LINGO1: variants seen among roughly 807,000 people sequenced by gnomAD.
The protein encoded by LINGO1 is leucine rich repeat and Ig domain containing 1.
Under a neutral mutation model 37.3 loss-of-function variants are expected in LINGO1, and 11 were observed. That is an observed-to-expected ratio of 0.29 (90% CI 0.19 to 0.49). The LOEUF (loss-of-function observed/expected upper bound fraction) is 0.49. Ranked by LOEUF, LINGO1 falls within the 20% of genes least tolerant of loss-of-function variation. The pLI is 0.99. For synonymous variants in LINGO1, 387 were observed against 403.0 expected, an observed-to-expected ratio of 0.96 and a Z score of 0.48; for missense variants, 585 against 878.2, an observed-to-expected ratio of 0.67 and a Z score of 4.22.
At chr15:77,700,359 G>C (rs1256032834), upstream of LINGO1, among the ~76,000 whole-genome samples, 1 of 152,212 alleles carries the variant, frequency 6.6e-6, no homozygotes, top group African/African-American at 2.4e-5. Flanking sequence ...TCACAGAGGT[G>C]GCAGCTTTTC....
chr15:77,748,924 T>TG (rs1198650876), intron 1 of LINGO1, among the ~76,000 whole-genome samples: 1 of 127,712 alleles, frequency 7.8e-6, no homozygotes, highest in Non-Finnish European at 1.7e-5. Flanking sequence ...TTTTTTTTTT[T>TG]TTTTTTGGAG....
chr15:77,720,139 C>G (rs1174214245), intron 2 of LINGO1, among the ~76,000 whole-genome samples: 1 of 138,712 alleles, frequency 7.2e-6, no homozygotes, highest in African/African-American at 2.5e-5. Flanking sequence ...CTACCACCAG[C>G]CCCACCCCAC....
At chr15:77,617,216 G>C (rs2073758186) in intron 1 of LINGO1, among the ~76,000 whole-genome samples, 2 of 152,020 alleles carry the variant, frequency 1.3e-5, no homozygotes, top group South Asian at 4.2e-4. Flanking sequence ...CCCACCCCCT[G>C]TTCAGAGACC....
chr15:77,640,608 C>G (rs2074482112), intron 3 of LINGO1, among the ~76,000 whole-genome samples: 1 of 152,172 alleles, frequency 6.6e-6, no homozygotes, highest in African/African-American at 2.4e-5. Context: ...GATGTACCCT[C>G]CCTCCATTCT....
chr15:77,819,819 TG>T lies in LINGO1; in HGVS notation c.-458+438del, dbSNP rs1447314393. Among the ~76,000 whole-genome samples, 4 of 151,078 alleles carry T rather than the reference TG, an allele frequency of 2.6e-5. No homozygotes were observed. The East Asian group carries it at 7.9e-4, about 30-fold the overall frequency. On this transcript the variant is annotated intron_variant, in intron 1 of 5. Transcript: ENST00000562933. ...CTCCCAGCCCGAACCTGGGCCCAGG[TG>T]CCGACTCGGGCTTCTCGCACTCCCG...
intron 2 of LINGO1, among the ~76,000 whole-genome samples, chr15:77,705,070 G>A (rs963321705): frequency 1.3e-5 from 2 of 151,826 alleles, no homozygotes; most frequent in Admixed American, 6.6e-5. Flanking sequence ...GCAGGGGCAC[G>A]GGGAACCTGT....
At position 77,687,977 on chromosome 15, in the gene LINGO1, C is replaced by A. The variant is rs374273449; in HGVS notation, c.-99+2743G>T. Among the ~76,000 whole-genome samples the A allele has an allele frequency of 3.3e-5, 5 of 152,224 alleles. No individual in the cohort carries two copies. In the East Asian group the frequency reaches 9.7e-4, roughly 29 times the overall value. ...ATCCTTGCGGACAGGCTCAACCCAGCGGCTCCTTGCTTTTAAGCCACCTTG... is the reference window on the plus strand; with the variant it reads ...ATCCTTGCGGACAGGCTCAACCCAGAGGCTCCTTGCTTTTAAGCCACCTTG... On this transcript the variant is annotated intron_variant, in intron 2 of 3. Coordinates refer to the LINGO1 transcript ENST00000559893.
At chr15:77,726,603 G>A (rs2076104819) in intron 2 of LINGO1, among the ~76,000 whole-genome samples, 1 of 152,198 alleles carries the variant, frequency 6.6e-6, no homozygotes, top group African/African-American at 2.4e-5. Flanking sequence ...CTTCAAATGG[G>A]TGAAAGACCT....
intron 3 of LINGO1, among the ~76,000 whole-genome samples, chr15:77,669,832 G>A (rs1026978631): frequency 2.0e-5 from 3 of 152,174 alleles, no homozygotes; most frequent in African/African-American, 7.2e-5. Flanking sequence ...AAACCACATC[G>A]CCTTACGGCC....
chr15:77,804,982 C>T (rs2076948479), intron 1 of LINGO1, among the ~76,000 whole-genome samples: 1 of 152,214 alleles, frequency 6.6e-6, no homozygotes, highest in South Asian at 2.1e-4. Context: ...AGTGCCCACC[C>T]CCCCAACTGC....
At chr15:77,795,317 G>C (rs2076864053) in intron 2 of LINGO1, among the ~76,000 whole-genome samples, 1 of 152,138 alleles carries the variant, frequency 6.6e-6, no homozygotes. Context: ...ACCATGAAGT[G>C]AGAGGACCTG....
chr15:77,680,312 T>C, intron 2 of LINGO1, among the ~76,000 whole-genome samples: 1 of 152,144 alleles, frequency 6.6e-6, no homozygotes, highest in Admixed American at 6.5e-5. Flanking sequence ...CTTTGTCACA[T>C]GAAATCACTG....
rs4886523 is a variant in LINGO1, at chr15:77,759,312, G to A, written c.-256-24259C>T. Among the ~76,000 whole-genome samples, 602 of 152,298 alleles carry A rather than the reference G, an allele frequency of 4.0e-3. 10 individuals carry two copies. Among genetic ancestry groups the A allele is most frequent in the Admixed American group, 0.028 (432 of 15,306 alleles). ...TGAGAGTGAACTGGCATGGAGGAGC[G>A]GTGTGGACTGGAAAGCTCTGCCCAG... On this transcript the variant is annotated intron_variant, in intron 1 of 3. Transcript: ENST00000561686.
chr15:77,665,709 G>A (rs944656428), intron 3 of LINGO1, among the ~76,000 whole-genome samples: 2 of 152,168 alleles, frequency 1.3e-5, no homozygotes, highest in African/African-American at 4.8e-5. Context: ...CGCACCCTCC[G>A]CCAGGCAGGT....
rs902208770 is a variant in LINGO1 at position 77,651,089 on chromosome 15, G to A, written c.-13+26000C>T. On this transcript the variant is annotated intron_variant, in intron 3 of 3. Transcript: ENST00000559893. ...AAAAAAGTAGCTATGGCAGATTCAC[G>A]CATTTGGGTGCACAGGCAGAGGCCA... Among the ~76,000 whole-genome samples the A allele has an allele frequency of 3.3e-5, 5 of 152,288 alleles. No homozygotes were observed. The East Asian group carries it at 7.7e-4, about 24-fold the overall frequency.
intron 1 of LINGO1, among the ~76,000 whole-genome samples, chr15:77,623,653 G>C (rs1242723958): frequency 2.6e-5 from 4 of 152,238 alleles, no homozygotes; most frequent in Non-Finnish European, 5.9e-5. Flanking sequence ...CGTCTCCCCG[G>C]GGGTTGGTCC....
At chr15:77,689,606 G>T (rs1227858986) in intron 2 of LINGO1, among the ~76,000 whole-genome samples, 2 of 152,322 alleles carry the variant, frequency 1.3e-5, no homozygotes, top group East Asian at 3.9e-4. Flanking sequence ...CATGTGGGGG[G>T]TGGGAAGGGT....
At chr15:77,753,435 G>C (rs2076390294) in intron 1 of LINGO1, among the ~76,000 whole-genome samples, 1 of 152,242 alleles carries the variant, frequency 6.6e-6, no homozygotes, top group African/African-American at 2.4e-5. Context: ...CTGCGGGCCT[G>C]GCTGAGCCAG....
At chr15:77,752,096 A>G (rs1340923238) in intron 1 of LINGO1, among the ~76,000 whole-genome samples, 1 of 152,190 alleles carries the variant, frequency 6.6e-6, no homozygotes, top group Non-Finnish European at 1.5e-5. Flanking sequence ...TGTCATCCCA[A>G]GGCCTTTCGT....
Sources: gnomAD v4.1 joint callset for allele counts (sites outside exome capture counted in the v4.1 genomes callset) on GRCh38, gnomAD v4.1.1 for gene constraint, MANE v1.5 for transcripts, NCBI Gene and HGNC (gene_info 2026-07-23, HGNC 2026-07-21) for gene names.